YAF2: variants seen among roughly 807,000 people sequenced by gnomAD.
The protein encoded by YAF2 is YY1-associated factor 2.
Under a neutral mutation model 20.1 loss-of-function variants are expected in YAF2, and 7 were observed. That is an observed-to-expected ratio of 0.35 (90% CI 0.20 to 0.65). YAF2 has a LOEUF of 0.65. YAF2 is among the 30% of genes least tolerant of loss of function. The pLI is 0.69. For synonymous variants in YAF2, 74 were observed against 76.0 expected, an observed-to-expected ratio of 0.97 and a Z score of 0.14; for missense variants, 151 against 219.2, an observed-to-expected ratio of 0.69 and a Z score of 1.96.
At chr12:42,199,999 T>C (rs1565627014) in intron 2 of YAF2, among the ~76,000 whole-genome samples, 1 of 152,302 alleles carries the variant, frequency 6.6e-6, no homozygotes, top group East Asian at 1.9e-4. Context: ...GGAGAACTTT[T>C]GGGTTAAGAT....
intron 2 of YAF2, among the ~76,000 whole-genome samples, chr12:42,186,592 G>A (rs1193701959): frequency 1.3e-5 from 2 of 151,768 alleles, no homozygotes; most frequent in African/African-American, 2.4e-5. Flanking sequence ...AAGGAGAATC[G>A]CTCGAACCCA....
At chr12:42,237,313 G>A (rs1013842302) in intron 2 of YAF2, 14 of 802,740 alleles carry the variant, frequency 1.7e-5, no homozygotes, top group Middle Eastern at 5.2e-4. Context: ...TGGGGAGAGG[G>A]GCATTACACC....
chr12:42,213,586 C>T (rs946647538), intron 2 of YAF2, among the ~76,000 whole-genome samples: 5 of 152,140 alleles, frequency 3.3e-5, no homozygotes, highest in Non-Finnish European at 7.4e-5. Flanking sequence ...GTCTCATTTT[C>T]CTTCCTTAGG....
intron 2 of YAF2, chr12:42,236,118 C>T: frequency 7.2e-7 from 1 of 1,380,428 alleles, no homozygotes; most frequent in Non-Finnish European, 9.6e-7. Flanking sequence ...ATAATTGTTT[C>T]CACTTTAATG....
intron 2 of YAF2, among the ~76,000 whole-genome samples, chr12:42,205,354 G>C (rs1270788938): frequency 1.3e-5 from 2 of 149,686 alleles, no homozygotes; most frequent in Non-Finnish European, 3.0e-5. Flanking sequence ...TCACGACATT[G>C]TTTTTCTTGC....
At chr12:42,210,178 A>C (rs1337161931) in intron 2 of YAF2, among the ~76,000 whole-genome samples, 3 of 152,148 alleles carry the variant, frequency 2.0e-5, no homozygotes, top group Non-Finnish European at 2.9e-5. Context: ...TTACTCATAC[A>C]CCCATTAATA....
rs1278609079 is a variant in YAF2 at position 42,160,600 on chromosome 12, C to G, written c.532G>C (p.Glu178Gln). ...GGAGAAAATAAACTTTAATGAGATT[C>G]TCCATTCAATGATGAGGCTTCTCCT... ...PRGEASSLNG[E>Q]SH Residue 178 changes from glutamate (E) to glutamine (Q), a missense_variant, in exon 4 of 4, where the codon GAA (glutamate) becomes CAA (glutamine). Physicochemically the swap from Glu to Gln is conservative, Grantham distance 29 (BLOSUM62 2). Transcript: ENST00000534854. The G allele has an allele frequency of 6.2e-7, 1 of 1,612,288 alleles. No homozygotes were observed. Among genetic ancestry groups the G allele is most frequent in the Admixed American group, 1.7e-5 (1 of 59,746 alleles).
intron 2 of YAF2, among the ~76,000 whole-genome samples, chr12:42,206,475 G>A (rs2067045092): frequency 6.6e-6 from 1 of 151,908 alleles, no homozygotes. Context: ...TGGACGCGGT[G>A]GTGCACACCT....
chr12:42,209,948 A>C (rs930794551), intron 2 of YAF2, among the ~76,000 whole-genome samples: 1 of 152,050 alleles, frequency 6.6e-6, no homozygotes, highest in Non-Finnish European at 1.5e-5. Context: ...ACAAGCATGC[A>C]CCACCATGCC....
At chr12:42,223,020 T>C (rs117591929) in intron 2 of YAF2, among the ~76,000 whole-genome samples, 119 of 152,216 alleles carry the variant, frequency 7.8e-4, no homozygotes, top group Admixed American at 1.9e-3. Flanking sequence ...CTGTCACTTG[T>C]GCAGTGCTTT....
intron 2 of YAF2, chr12:42,232,577 GAT>G (rs1356810204): frequency 1.0e-6 from 1 of 985,330 alleles, no homozygotes; most frequent in African/African-American, 1.7e-5. Flanking sequence ...AGGCTCCTCA[GAT>G]AGACAGGAGG....
In YAF2 at chr12:42,189,813, A is replaced by G. The variant is rs2066568237; in HGVS notation, c.153-28048T>C. Among the ~76,000 whole-genome samples, 3 of 152,290 alleles carry G rather than the reference A, an allele frequency of 2.0e-5. No individual in the cohort carries two copies. In the South Asian group the frequency reaches 6.2e-4, roughly 32 times the overall value. On this transcript the variant is annotated intron_variant, in intron 2 of 3. Coordinates refer to ENST00000534854, the MANE Select transcript of YAF2 (RefSeq NM_005748.6). ...TACCAATTGATGGTGTATGCTACAG[A>G]TAACATGTATCAGAAGAAAATTAGT...
chr12:42,198,629 C>G lies in YAF2; in HGVS notation c.153-36864G>C, dbSNP rs574445838. On this transcript the variant is annotated intron_variant, in intron 2 of 3. Coordinates refer to ENST00000534854, the MANE Select transcript of YAF2 (RefSeq NM_005748.6). ...ATCAGAATGAAACATCACATTTTAT[C>G]TAAAGAAATTAAGTAGATCTAGGTA... 2.0e-5 allele frequency among the ~76,000 whole-genome samples: 3 copies of G among 152,246 alleles called. No individual in the cohort carries two copies. In the South Asian group the frequency reaches 6.2e-4, roughly 32 times the overall value.
chr12:42,186,351 A>G (rs1374542047), intron 2 of YAF2, among the ~76,000 whole-genome samples: 2 of 152,006 alleles, frequency 1.3e-5, no homozygotes, highest in African/African-American at 2.4e-5. Flanking sequence ...AAAAACTCCA[A>G]CTCAAAATAA....
intron 2 of YAF2, among the ~76,000 whole-genome samples, chr12:42,229,816 A>G (rs1398656857): frequency 6.6e-6 from 1 of 152,232 alleles, no homozygotes; most frequent in Non-Finnish European, 1.5e-5. Flanking sequence ...CTAAACATAG[A>G]AAAAGTAGAG....
At chr12:42,219,387 G>C (rs988697286) in intron 2 of YAF2, among the ~76,000 whole-genome samples, 1 of 152,200 alleles carries the variant, frequency 6.6e-6, no homozygotes, top group Non-Finnish European at 1.5e-5. Flanking sequence ...CCTTGGATGA[G>C]CTGTATGGTT....
intron 2 of YAF2, among the ~76,000 whole-genome samples, chr12:42,171,383 G>A (rs1056915399): frequency 9.2e-5 from 14 of 152,076 alleles, no homozygotes; most frequent in African/African-American, 3.1e-4. Flanking sequence ...AGTCACTCAG[G>A]AGGCTGAGGC....
intron 2 of YAF2, among the ~76,000 whole-genome samples, chr12:42,189,818 A>G (rs2066568311): frequency 6.6e-6 from 1 of 152,170 alleles, no homozygotes; most frequent in Non-Finnish European, 1.5e-5. Context: ...TACAGATAAC[A>G]TGTATCAGAA....
At chr12:42,226,780 G>T (rs1374112064) in intron 2 of YAF2, among the ~76,000 whole-genome samples, 1 of 152,158 alleles carries the variant, frequency 6.6e-6, no homozygotes, top group African/African-American at 2.4e-5. Context: ...GCAACGCCAG[G>T]TGTCAAATAG....
Sources: gnomAD v4.1 joint callset for allele counts (sites outside exome capture counted in the v4.1 genomes callset) on GRCh38, gnomAD v4.1.1 for gene constraint, MANE v1.5 for transcripts, NCBI Gene and HGNC (gene_info 2026-07-23, HGNC 2026-07-21) for gene names.